Variants in ERAP1 observed in about 807,000 individuals in gnomAD.
ERAP1 encodes adipocyte-derived leucine aminopeptidase.
A neutral mutation model predicts 103.7 loss-of-function variants in ERAP1; 86 were observed. That is an observed-to-expected ratio of 0.83 (90% CI 0.70 to 0.99). The LOEUF (loss-of-function observed/expected upper bound fraction) is 0.99, where lower values mean the gene tolerates loss of function less well. Ranked by LOEUF, ERAP1 falls within the 50% of genes least tolerant of loss-of-function variation. The probability of loss-of-function intolerance (pLI) is 0.00; values close to 1 mark genes in which losing one functional copy is unlikely to be tolerated. For missense variants in ERAP1, 1,009 were observed against 1,128.4 expected (o/e 0.89, Z 1.52); for synonymous variants, 398 against 402.4 (o/e 0.99, Z 0.13).
the ERAP1 span, chr5:96,813,915 T>G: frequency 5.8e-6 from 1 of 173,736 alleles, no homozygotes; most frequent in Non-Finnish European, 1.2e-5. Flanking sequence ...TCCTTGTCAC[T>G]TTTTACTATC....
chr5:96,828,353 T>C, the ERAP1 span, among the ~76,000 whole-genome samples: 3 of 152,186 alleles, frequency 2.0e-5, no homozygotes, highest in African/African-American at 4.8e-5. Context: ...AGATTCTAGA[T>C]TGAGTGTAAA....
At chr5:96,856,318 C>CAAA in the ERAP1 span, among the ~76,000 whole-genome samples, 17 of 12,166 alleles carry the variant, frequency 1.4e-3, 3 homozygotes, top group Non-Finnish European at 2.0e-3. Context: ...GACTCCGTCT[C>CAAA]AAAAAAAAAA....
the ERAP1 span, chr5:96,917,763 G>A: frequency 2.0e-5 from 9 of 458,750 alleles, no homozygotes; most frequent in Admixed American, 4.0e-5. Flanking sequence ...AAAATTAGCC[G>A]GGCATGGTGG....
chr5:96,843,775 A>C, the ERAP1 span, among the ~76,000 whole-genome samples: 2 of 152,052 alleles, frequency 1.3e-5, no homozygotes, highest in African/African-American at 4.8e-5. Context: ...CGTTGTTCTA[A>C]ATTTCTTCTT....
chr5:96,802,137 A>G (rs26495), intron 2 of ERAP1, among the ~76,000 whole-genome samples: 108,433 of 151,848 alleles, frequency 0.71, 39,366 homozygotes, highest in Non-Finnish European at 0.79. Context: ...TGGCTTACCA[A>G]TTTTACTTCT....
chr5:96,767,756 C>A (rs1293758969), intron 19 of ERAP1: 1 of 623,478 alleles, frequency 1.6e-6, no homozygotes, highest in Non-Finnish European at 2.9e-6. Flanking sequence ...GTTTTTCTAT[C>A]TCCTTTACAA....
chr5:96,917,119 T>C, the ERAP1 span, among the ~76,000 whole-genome samples: 1 of 152,320 alleles, frequency 6.6e-6, no homozygotes, highest in African/African-American at 2.4e-5. Flanking sequence ...TATTGTTTCT[T>C]TATTTTTGAA....
the ERAP1 span, among the ~76,000 whole-genome samples, chr5:96,927,233 G>A: frequency 6.6e-5 from 10 of 152,200 alleles, no homozygotes; most frequent in Non-Finnish European, 1.2e-4. Flanking sequence ...CTGCCAGATT[G>A]TTTTTGAAAG....
the ERAP1 span, chr5:96,876,647 G>C: frequency 6.6e-6 from 1 of 152,368 alleles, no homozygotes; most frequent in South Asian, 2.1e-4. Flanking sequence ...GCAAGGTTCT[G>C]GGGGACTGGG....
the ERAP1 span, among the ~76,000 whole-genome samples, chr5:96,926,745 A>G: frequency 6.6e-6 from 1 of 152,138 alleles, no homozygotes; most frequent in Non-Finnish European, 1.5e-5. Context: ...CAGTTGATGG[A>G]CGTTTGTGTT....
chr5:96,775,052 A>C lies in ERAP1; in HGVS notation c.*1344T>G. 9.1e-6 allele frequency: 9 copies of C among 985,438 alleles called. No individual in the cohort carries two copies. The highest frequency in any genetic ancestry group is 1.1e-5 in the Non-Finnish European group (9 of 829,854). 61.0% of individuals were successfully genotyped at this position (985,438 alleles called of 1,614,324 possible). A position where few individuals can be genotyped will look rare whatever the true frequency, so the allele number is the denominator to read the frequency against. Reference sequence around the variant, plus strand: ...GCAAAACACGCTGCAACTTGAATCAAGTCAGCAACAGAGCACACTATGGGT... The same window carrying C: ...GCAAAACACGCTGCAACTTGAATCACGTCAGCAACAGAGCACACTATGGGT... On this transcript the variant is annotated 3_prime_UTR_variant, in exon 19 of 19. Coordinates refer to ENST00000443439, the MANE Select transcript of ERAP1 (RefSeq NM_001040458.3).
the ERAP1 span, among the ~76,000 whole-genome samples, chr5:96,840,712 C>CT: frequency 1.9e-4 from 27 of 140,722 alleles, no homozygotes; most frequent in African/African-American, 5.1e-4. Context: ...TTCTTTTTTT[C>CT]TTTTTTTTTT....
chr5:96,905,303 G>A, the ERAP1 span, among the ~76,000 whole-genome samples: 1 of 152,108 alleles, frequency 6.6e-6, no homozygotes, highest in Non-Finnish European at 1.5e-5. Flanking sequence ...TAAGTGCGAA[G>A]GGGAAACAAA....
the ERAP1 span, among the ~76,000 whole-genome samples, chr5:96,912,115 C>CG: frequency 2.1e-5 from 3 of 145,008 alleles, no homozygotes; most frequent in African/African-American, 5.1e-5. Flanking sequence ...GTGTGAACCC[C>CG]GGGGGGCGGA....
At chr5:96,788,040 C>T (rs1346059525) in intron 11 of ERAP1, among the ~76,000 whole-genome samples, 1 of 152,050 alleles carries the variant, frequency 6.6e-6, no homozygotes, top group African/African-American at 2.4e-5. Context: ...TAACGGTATC[C>T]ATCCAGGGTC....
chr5:96,860,669 G>A, the ERAP1 span, among the ~76,000 whole-genome samples: 7 of 152,136 alleles, frequency 4.6e-5, no homozygotes, highest in African/African-American at 1.4e-4. Context: ...TTGAGTAAGA[G>A]TCAGTTTCTG....
At chr5:96,787,423 GC>G (rs1776164753) in intron 11 of ERAP1, among the ~76,000 whole-genome samples, 1 of 151,958 alleles carries the variant, frequency 6.6e-6, no homozygotes, top group African/African-American at 2.4e-5. Context: ...CCGCCACCAT[GC>G]CCGGCTAATT....
chr5:96,898,516 C>T, the ERAP1 span, among the ~76,000 whole-genome samples: 1 of 137,286 alleles, frequency 7.3e-6, no homozygotes, highest in Non-Finnish European at 1.5e-5. Context: ...CCGAGGTGGG[C>T]AAATTGCCTG....
At chr5:96,905,112 A>G in the ERAP1 span, among the ~76,000 whole-genome samples, 1 of 152,210 alleles carries the variant, frequency 6.6e-6, no homozygotes, top group Non-Finnish European at 1.5e-5. Context: ...CTTACTCAAT[A>G]AATGTCAGCT....
Sources: gnomAD v4.1 joint callset for allele counts (sites outside exome capture counted in the v4.1 genomes callset) on GRCh38, gnomAD v4.1.1 for gene constraint, MANE v1.5 for transcripts, NCBI Gene and HGNC (gene_info 2026-07-23, HGNC 2026-07-21) for gene names.